The following XPNPEP1 variants were observed in gnomAD, a reference collection of about 807,000 sequenced individuals.
XPNPEP1 encodes the protein xaa-Pro aminopeptidase 1.
In XPNPEP1, 39 loss-of-function variants were observed where a neutral mutation model predicts 92.4. That is an observed-to-expected ratio of 0.42 (90% CI 0.33 to 0.55). The LOEUF (loss-of-function observed/expected upper bound fraction) is 0.55. Ranked by LOEUF, XPNPEP1 falls within the 20% of genes least tolerant of loss-of-function variation. XPNPEP1 has a pLI of 0.08. For synonymous variants in XPNPEP1, 307 were observed against 299.4 expected (o/e 1.03, Z -0.26); for missense variants, 654 against 856.1 (o/e 0.76, Z 2.95).
intron 15 of XPNPEP1, among the ~76,000 whole-genome samples, chr10:109,874,005 G>A (rs1847633080): frequency 6.6e-6 from 1 of 152,172 alleles, no homozygotes; most frequent in African/African-American, 2.4e-5. Context: ...CCGCTATTGG[G>A]TATGAGGTTT....
intron 1 of XPNPEP1, among the ~76,000 whole-genome samples, chr10:109,917,594 T>C (rs940642449): frequency 6.6e-6 from 1 of 152,222 alleles, no homozygotes; most frequent in African/African-American, 2.4e-5. Flanking sequence ...GCCAAAATTC[T>C]AGCTAGCTTG....
chr10:109,875,089 A>G (rs981178589), intron 15 of XPNPEP1, among the ~76,000 whole-genome samples: 1 of 152,232 alleles, frequency 6.6e-6, no homozygotes, highest in Non-Finnish European at 1.5e-5. Context: ...CCGTGAAAGC[A>G]GCAAAACATG....
Position 109,907,747 on chromosome 10 carries a change from C to CA in XPNPEP1, c.189dup (p.Glu64Ter). On this transcript the variant is annotated frameshift_variant, in exon 3 of 21. Transcript: ENST00000502935. LOFTEE classifies it high-confidence loss of function. ...GCCTGGATCGGTTCGGTCACATACT[C>CA]AGAGTTCCTCATGGCTTGTCTCAGC... The CA allele has an allele frequency of 1.9e-6, 3 of 1,614,234 alleles. No homozygotes were observed. The highest frequency in any genetic ancestry group is 2.5e-6 in the Non-Finnish European group (3 of 1,180,044).
rs544232464 is a variant in XPNPEP1, at chr10:109,919,737, A to G, written c.32+3665T>C. Among the ~76,000 whole-genome samples the G allele has an allele frequency of 3.3e-5, 5 of 152,362 alleles. No homozygotes were observed. The South Asian group carries it at 1.0e-3, about 32-fold the overall frequency. ...TCCATATAATGGAATGTTCTTTGCC[A>G]ATAAAGGGAAATCACGCCAGGCGCG... On this transcript the variant is annotated intron_variant, in intron 1 of 20. Transcript: ENST00000502935.
At chr10:109,904,372 C>A (rs1463585487) in intron 3 of XPNPEP1, among the ~76,000 whole-genome samples, 2 of 151,840 alleles carry the variant, frequency 1.3e-5, no homozygotes, top group Non-Finnish European at 2.9e-5. Context: ...TCTGACCTCT[C>A]CCTTCATCCA....
At chr10:109,914,959 G>C (rs878944775) in intron 2 of XPNPEP1, 52 bp downstream of exon 2, 1 of 1,264,990 alleles carries the variant, frequency 7.9e-7, no homozygotes, top group South Asian at 1.5e-5. Flanking sequence ...TTGGGGTGGA[G>C]ATCTAAAATC....
intron 3 of XPNPEP1, among the ~76,000 whole-genome samples, chr10:109,905,468 A>G (rs557044071): frequency 6.6e-6 from 1 of 152,296 alleles, no homozygotes; most frequent in South Asian, 2.1e-4. Context: ...TCGGCCTCCC[A>G]AAGTGCTGGG....
At chr10:109,895,026 T>G (rs1848909658) in intron 3 of XPNPEP1, among the ~76,000 whole-genome samples, 1 of 152,066 alleles carries the variant, frequency 6.6e-6, no homozygotes. Flanking sequence ...CTTTCAAAAC[T>G]CACCAGAAAC....
chr10:109,920,139 T>C (rs1225523131), intron 1 of XPNPEP1, among the ~76,000 whole-genome samples: 1 of 152,182 alleles, frequency 6.6e-6, no homozygotes, highest in Non-Finnish European at 1.5e-5. Flanking sequence ...ACATAGTATA[T>C]GATTCTATTC....
At chr10:109,888,899 G>T (rs570913966) in intron 5 of XPNPEP1, among the ~76,000 whole-genome samples, 1 of 152,282 alleles carries the variant, frequency 6.6e-6, no homozygotes, top group South Asian at 2.1e-4. Context: ...GTACACACAT[G>T]GCGTCACCAC....
intron 5 of XPNPEP1, 21 bp downstream of exon 5, chr10:109,891,701 G>C (rs1409731058): frequency 1.3e-6 from 2 of 1,533,764 alleles, no homozygotes; most frequent in African/African-American, 2.8e-5. Flanking sequence ...CTAAGTTTGG[G>C]CTAGCCATGC....
rs1200049820 is a variant in XPNPEP1 at position 109,870,741 on chromosome 10, A to C, written c.1686T>G (p.Ile562Met). ...FSDEPLEAGM[I>M]VTDEPGYYED... ...GTGAGGGACACTTACCATCAGTGAC[A>C]ATCATGCCTGCCTCCAAGGGCTCAT... The change falls in exon 18 of 21, where the codon ATT becomes ATG. Residue 562 changes from isoleucine (I) to methionine (M), a missense_variant. Physicochemically the swap from Ile to Met is conservative, Grantham distance 10. Coordinates refer to ENST00000502935, the MANE Select transcript of XPNPEP1 (RefSeq NM_020383.4). 6.2e-7 allele frequency: 1 copy of C among 1,613,988 alleles called. No homozygotes were observed. The highest frequency in any genetic ancestry group is 1.7e-5 in the Admixed American group (1 of 60,000).
At chr10:109,901,459 A>G (rs939065513) in intron 3 of XPNPEP1, among the ~76,000 whole-genome samples, 1 of 152,166 alleles carries the variant, frequency 6.6e-6, no homozygotes, top group Non-Finnish European at 1.5e-5. Flanking sequence ...CCCTCTTTCC[A>G]TGCATCCAAA....
At position 109,914,977 on chromosome 10, in the gene XPNPEP1, G is replaced by C. The variant is rs748572944; in HGVS notation, c.121+34C>G. 5.3e-5 allele frequency: 75 copies of C among 1,420,944 alleles called. No homozygotes were observed. The East Asian group carries it at 9.4e-4, about 18-fold the overall frequency. 88.0% of individuals were successfully genotyped at this position (1,420,944 alleles called of 1,614,324 possible). ...GGGTGGAGATCTAAAATCCTTTACA[G>C]ATGTTCCATCTAATTTCCAGACAAA... On this transcript the variant is annotated intron_variant, in intron 2 of 20. Coordinates refer to ENST00000502935, the MANE Select transcript of XPNPEP1 (RefSeq NM_020383.4).
At chr10:109,914,864 A>G (rs1850098852) in intron 2 of XPNPEP1, 147 bp downstream of exon 2, 2 of 435,908 alleles carry the variant, frequency 4.6e-6, no homozygotes, top group Non-Finnish European at 4.0e-6. Flanking sequence ...GCCAAAAAAT[A>G]AAATGGTTTT....
At chr10:109,904,150 T>C (rs1160532055) in intron 3 of XPNPEP1, among the ~76,000 whole-genome samples, 4 of 151,112 alleles carry the variant, frequency 2.6e-5, no homozygotes, top group South Asian at 2.1e-4. Context: ...CAGCCTGAAG[T>C]TGACCAATCT....
intron 3 of XPNPEP1, among the ~76,000 whole-genome samples, chr10:109,896,662 G>A (rs1849009991): frequency 6.6e-6 from 1 of 151,840 alleles, no homozygotes; most frequent in African/African-American, 2.4e-5. Context: ...ATGAGATCAG[G>A]GTATCTGTCC....
At chr10:109,879,152 G>C (rs1046622074) in intron 12 of XPNPEP1, among the ~76,000 whole-genome samples, 1 of 152,188 alleles carries the variant, frequency 6.6e-6, no homozygotes, top group African/African-American at 2.4e-5. Flanking sequence ...TGAGGCAGGA[G>C]AATGGCGTGA....
chr10:109,876,159 G>A (rs1256195406), intron 14 of XPNPEP1: 1 of 152,764 alleles, frequency 6.5e-6, no homozygotes, highest in Non-Finnish European at 1.5e-5. Context: ...GAAAAGGAAT[G>A]GATCACGATA....
Sources: allele counts gnomAD v4.1 joint callset (sites outside exome capture counted in the v4.1 genomes callset), GRCh38; gene constraint gnomAD v4.1.1; transcripts MANE v1.5; gene names NCBI Gene and HGNC (gene_info 2026-07-23, HGNC 2026-07-21).